Variants in CDH4 observed in about 807,000 individuals in gnomAD.
The protein encoded by CDH4 is cadherin-4.
In CDH4, 33 loss-of-function variants were observed where a neutral mutation model predicts 86.0. The ratio of observed to expected loss-of-function variants is 0.38; its 90% CI spans 0.29 to 0.51. The LOEUF is 0.51. Among genes scored for constraint, CDH4 ranks in the 20% least tolerant of loss-of-function variants. CDH4 has a pLI of 0.86. For synonymous variants in CDH4, 555 were observed against 549.4 expected, an observed-to-expected ratio of 1.01 and a Z score of -0.14; for missense variants, 1,114 against 1,307.4, an observed-to-expected ratio of 0.85 and a Z score of 2.28.
At chr20:61,905,388 A>G (rs533291810) in intron 8 of CDH4, among the ~76,000 whole-genome samples, 76 of 152,364 alleles carry the variant, frequency 5.0e-4, no homozygotes, top group East Asian at 5.8e-4. Flanking sequence ...CTCCCTCCTC[A>G]GAAGGACGGG....
rs148987606 is a variant in CDH4, at chr20:61,355,656, G to A, written c.169+100719G>A. Among the ~76,000 whole-genome samples, 5 of 152,366 alleles carry A rather than the reference G, an allele frequency of 3.3e-5. No homozygotes were observed. In the East Asian group the frequency reaches 9.6e-4, roughly 29 times the overall value. On this transcript the variant is annotated intron_variant, in intron 2 of 15. Transcript: ENST00000614565. Reference sequence around the variant, plus strand: ...TACTCTCTGAGAACACTGAGGAGCAGTAGCTGGTAGTTAAGACAAAGGGAG... The same window carrying A: ...TACTCTCTGAGAACACTGAGGAGCAATAGCTGGTAGTTAAGACAAAGGGAG...
intron 8 of CDH4, among the ~76,000 whole-genome samples, chr20:61,907,636 A>G (rs939375805): frequency 1.3e-5 from 2 of 152,068 alleles, no homozygotes; most frequent in African/African-American, 4.8e-5. Context: ...GGGCGGCTCA[A>G]AACGTGTGAT....
chr20:61,331,654 G>GAC (rs2084578552), intron 2 of CDH4, among the ~76,000 whole-genome samples: 1 of 2,874 alleles, frequency 3.5e-4, no homozygotes, highest in African/African-American at 1.0e-3. Context: ...TCCCGCCCCA[G>GAC]CCACCTGCCC....
At chr20:61,317,614 G>C (rs996932761) in intron 2 of CDH4, among the ~76,000 whole-genome samples, 6 of 152,150 alleles carry the variant, frequency 3.9e-5, no homozygotes, top group African/African-American at 1.4e-4. Context: ...CCTGTGCACT[G>C]TATGGTGTTG....
chr20:61,322,267 A>G (rs528295797), intron 2 of CDH4, among the ~76,000 whole-genome samples: 1 of 152,160 alleles, frequency 6.6e-6, no homozygotes, highest in Non-Finnish European at 1.5e-5. Context: ...CCCCACATAC[A>G]CAGGAGAGGG....
At chr20:61,403,009 A>G (rs1175022926) in intron 2 of CDH4, among the ~76,000 whole-genome samples, 2 of 152,192 alleles carry the variant, frequency 1.3e-5, no homozygotes, top group Non-Finnish European at 2.9e-5. Context: ...CTAAGTGCTG[A>G]CCACTGTGAT....
intron 2 of CDH4, among the ~76,000 whole-genome samples, chr20:61,474,007 C>T (rs2085520662): frequency 6.6e-6 from 1 of 152,046 alleles, no homozygotes; most frequent in South Asian, 2.1e-4. Context: ...AAGGAAAACA[C>T]CGTGGGATTG....
At chr20:61,885,445 T>A (rs909463090) in intron 7 of CDH4, among the ~76,000 whole-genome samples, 1 of 152,200 alleles carries the variant, frequency 6.6e-6, no homozygotes, top group Non-Finnish European at 1.5e-5. Context: ...AGCGTCACCG[T>A]GGTAGTTCGT....
rs780958655 is a variant in CDH4 at position 61,910,053 on chromosome 20, AC to A, written c.1189-365del. On this transcript the variant is annotated intron_variant, in intron 8 of 15. Transcript: ENST00000614565. Reference sequence around the variant, plus strand: ...TGCTATGAGGCGTGCACTCCCGTGCACCCCTGAGCAGCCTGTCTTCTCTGAT... The same window carrying A: ...TGCTATGAGGCGTGCACTCCCGTGCACCCTGAGCAGCCTGTCTTCTCTGAT... Among the ~76,000 whole-genome samples the A allele has an allele frequency of 9.2e-5, 14 of 152,270 alleles. No homozygotes were observed. In the East Asian group the frequency reaches 2.5e-3, roughly 27 times the overall value.
At chr20:61,421,149 G>T (rs1034242516) in intron 2 of CDH4, among the ~76,000 whole-genome samples, 2 of 152,198 alleles carry the variant, frequency 1.3e-5, no homozygotes, top group African/African-American at 4.8e-5. Context: ...TGGGGACCCT[G>T]GCTGGGAGGG....
chr20:61,575,262 G>A (rs2086374047), intron 2 of CDH4, among the ~76,000 whole-genome samples: 1 of 152,200 alleles, frequency 6.6e-6, no homozygotes. Context: ...GGCAACGACA[G>A]GTCTAAGCCT....
At chr20:61,748,001 G>C (rs2088439420) in intron 3 of CDH4, among the ~76,000 whole-genome samples, 1 of 152,136 alleles carries the variant, frequency 6.6e-6, no homozygotes, top group South Asian at 2.1e-4. Context: ...CAAAGACAAA[G>C]AGGAAATCTC....
chr20:61,640,574 G>A (rs542268348), intron 2 of CDH4, among the ~76,000 whole-genome samples: 2 of 152,298 alleles, frequency 1.3e-5, no homozygotes, highest in South Asian at 4.2e-4. Flanking sequence ...GATGAGACAG[G>A]TAAAAATAAA....
chr20:61,454,307 T>C (rs1396750989), intron 2 of CDH4, among the ~76,000 whole-genome samples: 1 of 151,996 alleles, frequency 6.6e-6, no homozygotes, highest in Non-Finnish European at 1.5e-5. Context: ...GCCACAACCA[T>C]GGGGTGAACT....
chr20:61,258,350 A>AAAAAG (rs1568770441), intron 2 of CDH4, among the ~76,000 whole-genome samples: 6 of 149,714 alleles, frequency 4.0e-5, no homozygotes, highest in African/African-American at 1.5e-4. Flanking sequence ...AAAAAAGAAA[A>AAAAAG]AAAAAAAAGA....
intron 2 of CDH4, among the ~76,000 whole-genome samples, chr20:61,403,300 A>G (rs890682688): frequency 1.3e-5 from 2 of 152,214 alleles, no homozygotes; most frequent in African/African-American, 4.8e-5. Context: ...AGGAGCAAAT[A>G]CAGCCCTGTG....
chr20:61,923,518 C>T lies in CDH4; in HGVS notation c.1442C>T (p.Ala481Val). 1 of 1,614,186 alleles carries T rather than the reference C, an allele frequency of 6.2e-7. No homozygotes were observed. The highest frequency in any genetic ancestry group is 8.5e-7 in the Non-Finnish European group (1 of 1,180,008). Reference protein sequence around the residue: ...TVMVSNQAPLASGIQMSFQST... With the variant: ...TVMVSNQAPLVSGIQMSFQST... ...ATGGTGTCCAACCAGGCGCCCCTGG[C>T]CAGCGGAATCCAGATGTCCTTCCAG... Residue 481 changes from alanine (A) to valine (V), a missense_variant, in exon 10 of 16, where the codon GCC (alanine) becomes GTC (valine). By Grantham distance (64) the Ala-to-Val change is moderately conservative. This residue lies in a region of CDH4 where 705 missense variants were observed against 914.1 expected (regional missense o/e 0.77). Transcript: ENST00000614565.
At chr20:61,293,505 G>A (rs919995125) in intron 2 of CDH4, among the ~76,000 whole-genome samples, 1 of 152,312 alleles carries the variant, frequency 6.6e-6, no homozygotes, top group African/African-American at 2.4e-5. Flanking sequence ...CTTGTTGAGC[G>A]CCAGGCCTGG....
intron 4 of CDH4, among the ~76,000 whole-genome samples, chr20:61,789,760 C>T (rs1157867016): frequency 1.3e-5 from 2 of 152,226 alleles, no homozygotes; most frequent in Admixed American, 6.5e-5. Flanking sequence ...CTCACCATTG[C>T]CCCTGGGAGG....
Sources: gnomAD v4.1 joint callset for allele counts (sites outside exome capture counted in the v4.1 genomes callset) on GRCh38, gnomAD v4.1.1 for gene constraint, gnomAD v4.1.1 regional missense constraint, MANE v1.5 for transcripts, NCBI Gene and HGNC (gene_info 2026-07-23, HGNC 2026-07-21) for gene names.